Variants in NPR3 observed in about 807,000 individuals in gnomAD.
NPR3 encodes natriuretic peptide receptor 3.
In NPR3, 34 loss-of-function variants were observed where a neutral mutation model predicts 54.5. The ratio of observed to expected loss-of-function variants is 0.62; its 90% CI spans 0.47 to 0.83. The LOEUF (loss-of-function observed/expected upper bound fraction) is 0.83. Among genes scored for constraint, NPR3 ranks in the 40% least tolerant of loss-of-function variants. The pLI is 0.00. For missense variants in NPR3, 674 were observed against 720.8 expected, an observed-to-expected ratio of 0.94 and a Z score of 0.74; for synonymous variants, 289 against 297.1, an observed-to-expected ratio of 0.97 and a Z score of 0.28.
intron 3 of NPR3, among the ~76,000 whole-genome samples, chr5:32,744,092 A>G (rs1740175762): frequency 6.8e-6 from 1 of 146,684 alleles, no homozygotes; most frequent in South Asian, 2.1e-4. Flanking sequence ...TCCCGGGTTC[A>G]GGTGATTCTC....
At chr5:32,744,774 A>G (rs1180354601) in intron 3 of NPR3, among the ~76,000 whole-genome samples, 1 of 152,140 alleles carries the variant, frequency 6.6e-6, no homozygotes, top group African/African-American at 2.4e-5. Flanking sequence ...AGACTATGTC[A>G]TGGTGCTCGG....
chr5:32,747,399 G>A (rs1349162049), intron 3 of NPR3, among the ~76,000 whole-genome samples: 1 of 152,030 alleles, frequency 6.6e-6, no homozygotes, highest in African/African-American at 2.4e-5. Flanking sequence ...AAAAAATTCA[G>A]AGCTTTTATT....
At chr5:32,743,276 C>T (rs1285741665) in intron 3 of NPR3, among the ~76,000 whole-genome samples, 1 of 152,126 alleles carries the variant, frequency 6.6e-6, no homozygotes, top group East Asian at 1.9e-4. Context: ...GTATACGTTT[C>T]CCAGTTTCCC....
Position 32,786,268 on chromosome 5 carries a change from C to T in NPR3, c.1549C>T (p.Gln517Ter). The T allele has an allele frequency of 6.4e-7, 1 of 1,574,660 alleles. No homozygotes were observed. Residue 517 changes from glutamine (Q) to a stop codon, truncating the protein, a stop_gained, in exon 8 of 8, where the codon CAG (glutamine) becomes TAG (stop). Transcript: ENST00000265074. LOFTEE classifies it high-confidence loss of function. Reference protein sequence around the residue: ...KYRITIERRTQQEESNLGKHR... With the variant: ...KYRITIERRT ...CAGAATAACCATTGAGAGGCGAACC[C>T]AGCAAGAAGAAAGTAACCTTGGAAA...
upstream of NPR3, chr5:32,710,866 T>TTTTTTTG: frequency 1.6e-6 from 2 of 1,288,128 alleles, no homozygotes; most frequent in African/African-American, 3.4e-5. Flanking sequence ...CTGGTTTTTT[T>TTTTTTTG]TTTTTTTTGC....
At chr5:32,771,144 G>A (rs1461324776) in intron 3 of NPR3, among the ~76,000 whole-genome samples, 1 of 151,474 alleles carries the variant, frequency 6.6e-6, no homozygotes, top group Non-Finnish European at 1.5e-5. Context: ...ACTAAAAATC[G>A]CGTGTAGATG....
chr5:32,752,911 G>A (rs1264016295), intron 3 of NPR3, among the ~76,000 whole-genome samples: 1 of 152,170 alleles, frequency 6.6e-6, no homozygotes, highest in Non-Finnish European at 1.5e-5. Flanking sequence ...AGGGAAACTT[G>A]TTTATTCCTC....
intron 5 of NPR3, among the ~76,000 whole-genome samples, chr5:32,781,575 T>G (rs907078435): frequency 6.6e-6 from 1 of 152,238 alleles, no homozygotes; most frequent in African/African-American, 2.4e-5. Flanking sequence ...CTTTTGCCAT[T>G]ATTTTTAATT....
intron 3 of NPR3, among the ~76,000 whole-genome samples, chr5:32,763,975 T>C (rs1180988496): frequency 6.6e-6 from 1 of 152,238 alleles, no homozygotes; most frequent in Non-Finnish European, 1.5e-5. Context: ...ATTGTTAGTC[T>C]TTGGACATAG....
chr5:32,754,646 G>A (rs934039591), intron 3 of NPR3, among the ~76,000 whole-genome samples: 3 of 152,030 alleles, frequency 2.0e-5, no homozygotes, highest in African/African-American at 7.2e-5. Context: ...GGGTGAACTT[G>A]CTTCTTGTAT....
chr5:32,713,229 C>A, intron 1 of NPR3: 2 of 985,430 alleles, frequency 2.0e-6, no homozygotes, highest in Non-Finnish European at 2.4e-6. Flanking sequence ...GTTTCTAATG[C>A]GCCCAGAGCT....
At chr5:32,723,262 T>C (rs1195966403) in intron 1 of NPR3, among the ~76,000 whole-genome samples, 1 of 152,202 alleles carries the variant, frequency 6.6e-6, no homozygotes, top group Admixed American at 6.5e-5. Flanking sequence ...CATGGAGACC[T>C]GGGTCTATCA....
At chr5:32,729,220 G>A (rs1739333658) in intron 2 of NPR3, among the ~76,000 whole-genome samples, 3 of 151,330 alleles carry the variant, frequency 2.0e-5, no homozygotes, top group South Asian at 2.1e-4. Flanking sequence ...TAGTAGAGTC[G>A]GGGTTTCACC....
rs1328042227 is a variant in NPR3 at position 32,788,858 on chromosome 5, T to C, written c.*2513T>C. 1 of 152,248 alleles carries C rather than the reference T, an allele frequency of 6.6e-6. No homozygotes were observed. The highest frequency in any genetic ancestry group is 6.5e-5 in the Admixed American group (1 of 15,280). 9.4% of individuals were successfully genotyped at this position (152,248 alleles called of 1,614,324 possible). On this transcript the variant is annotated 3_prime_UTR_variant, in exon 8 of 8. Transcript: ENST00000265074. ...TATTTACATGTCAGTCATCTACTTTTTTTCTTTGAAATCTGCATATGGGTT... is the reference window on the plus strand; with the variant it reads ...TATTTACATGTCAGTCATCTACTTTCTTTCTTTGAAATCTGCATATGGGTT...
At chr5:32,752,208 CAA>C (rs1561109922) in intron 3 of NPR3, among the ~76,000 whole-genome samples, 18 of 52,260 alleles carry the variant, frequency 3.4e-4, no homozygotes, top group Non-Finnish European at 6.5e-4. Flanking sequence ...CCTCCACCTC[CAA>C]AAACAAAAAC....
rs1238214406 is a variant in NPR3 at position 32,786,982 on chromosome 5, A to T, written c.*637A>T. 1 of 152,426 alleles carries T rather than the reference A, an allele frequency of 6.6e-6. No individual in the cohort carries two copies. Among genetic ancestry groups the T allele is most frequent in the Admixed American group, 6.6e-5 (1 of 15,262 alleles). 9.4% of individuals were successfully genotyped at this position (152,426 alleles called of 1,614,324 possible). ...TTGTAAATATTAGTGAGATGGGAGG[A>T]TTTACAGAAGAAAAGCAAGTCAAAA... On this transcript the variant is annotated 3_prime_UTR_variant, in exon 8 of 8. Transcript: ENST00000265074.
At chr5:32,739,165 CTGTGTGTGTG>C in intron 3 of NPR3, 135 bp downstream of exon 3, 1 of 707,500 alleles carries the variant, frequency 1.4e-6, no homozygotes, top group Non-Finnish European at 2.2e-6. Flanking sequence ...CTGTTGCCTT[CTGTGTGTGTG>C]TGTGTGTGTT....
At chr5:32,740,489 T>C (rs1739979823) in intron 3 of NPR3, among the ~76,000 whole-genome samples, 1 of 152,140 alleles carries the variant, frequency 6.6e-6, no homozygotes, top group Non-Finnish European at 1.5e-5. Context: ...TATATTCACA[T>C]CATTTAAAAT....
At chr5:32,723,703 T>C (rs1021351661) in intron 1 of NPR3, among the ~76,000 whole-genome samples, 1 of 152,226 alleles carries the variant, frequency 6.6e-6, no homozygotes, top group Non-Finnish European at 1.5e-5. Flanking sequence ...AACTTTATTT[T>C]GAAATAATCT....
Sources: gnomAD v4.1 joint callset for allele counts (sites outside exome capture counted in the v4.1 genomes callset) on GRCh38, gnomAD v4.1.1 for gene constraint, MANE v1.5 for transcripts, NCBI Gene and HGNC (gene_info 2026-07-23, HGNC 2026-07-21) for gene names.